Variants in PDZD8 observed in about 807,000 individuals in gnomAD.
The protein encoded by PDZD8 is PDZ domain-containing protein 8.
PDZD8 carries 14 observed loss-of-function variants against 85.8 expected under a neutral mutation model. The ratio of observed to expected loss-of-function variants is 0.16; its 90% confidence interval spans 0.11 to 0.26. The LOEUF (loss-of-function observed/expected upper bound fraction) is 0.26, where lower values mean the gene tolerates loss of function less well. Among genes scored for constraint, PDZD8 ranks in the 10% least tolerant of loss-of-function variants. The pLI, the probability that PDZD8 is intolerant of heterozygous loss-of-function variation, is 1.00. For synonymous variants in PDZD8, 592 were observed against 568.6 expected (o/e 1.04, Z -0.59); for missense variants, 1,197 against 1,424.3 (o/e 0.84, Z 2.57).
At chr10:117,348,991 G>A (rs1400397795) in intron 1 of PDZD8, among the ~76,000 whole-genome samples, 1 of 152,092 alleles carries the variant, frequency 6.6e-6, no homozygotes, top group Admixed American at 6.5e-5. Context: ...GGCAAGAATC[G>A]CAAATCATTT....
At chr10:117,320,399 T>C (rs535144164) in intron 2 of PDZD8, among the ~76,000 whole-genome samples, 32 of 152,164 alleles carry the variant, frequency 2.1e-4, no homozygotes, top group African/African-American at 7.5e-4. Context: ...TCAGAAATTC[T>C]CCCCTGTAAT....
At chr10:117,295,188 G>T (rs1843734089) in intron 3 of PDZD8, among the ~76,000 whole-genome samples, 1 of 151,910 alleles carries the variant, frequency 6.6e-6, no homozygotes, top group African/African-American at 2.4e-5. Context: ...ACCCAAAAAA[G>T]ACTGAAAATG....
At chr10:117,361,630 A>G (rs1033875268) in intron 1 of PDZD8, among the ~76,000 whole-genome samples, 1 of 152,166 alleles carries the variant, frequency 6.6e-6, no homozygotes. Context: ...GGTGTTATCA[A>G]ACAGACAAAA....
At chr10:117,364,343 A>C (rs1272255635) in intron 1 of PDZD8, among the ~76,000 whole-genome samples, 1 of 152,114 alleles carries the variant, frequency 6.6e-6, no homozygotes, top group Non-Finnish European at 1.5e-5. Flanking sequence ...AAAAATGTTA[A>C]AATATGTTCC....
In PDZD8 at chr10:117,318,968, G is replaced by A; in HGVS notation, c.1002C>T (p.Leu334=). The A allele has an allele frequency of 2.5e-6, 4 of 1,603,004 alleles. No individual in the cohort carries two copies. Among genetic ancestry groups the A allele is most frequent in the Admixed American group, 1.7e-5 (1 of 59,910 alleles). Residue 334 remains leucine, a synonymous_variant, in exon 3 of 5, where the codon CTC becomes CTT. Transcript: ENST00000334464. The part of the protein sequence containing the change: ...KVTLLECSRL[L]IFGSYDREAN... Reference sequence around the variant, plus strand: ...CCTCTCTGTCATAGGATCCAAAAATGAGTAACCTGCAGAATAAAACAAAAC... The same window carrying A: ...CCTCTCTGTCATAGGATCCAAAAATAAGTAACCTGCAGAATAAAACAAAAC...
At chr10:117,319,048 T>C (rs1480792070) in intron 2 of PDZD8, 74 bp from the exon 3 acceptor site, 1 of 1,031,860 alleles carries the variant, frequency 9.7e-7, no homozygotes, top group Non-Finnish European at 1.5e-6. Flanking sequence ...CTGATTATTA[T>C]AACAAGAAAC....
chr10:117,340,440 G>A (rs962244989), intron 2 of PDZD8, among the ~76,000 whole-genome samples: 18 of 152,198 alleles, frequency 1.2e-4, no homozygotes, highest in African/African-American at 3.1e-4. Flanking sequence ...CTGTTAGGTC[G>A]GTTTAGCCAA....
At chr10:117,334,881 C>A (rs1000177810) in intron 2 of PDZD8, among the ~76,000 whole-genome samples, 13 of 151,920 alleles carry the variant, frequency 8.6e-5, no homozygotes, top group Middle Eastern at 3.4e-3. Flanking sequence ...AGCAAACAAA[C>A]CAAACCTCAG....
At chr10:117,361,749 C>T (rs1479763939) in intron 1 of PDZD8, among the ~76,000 whole-genome samples, 2 of 152,088 alleles carry the variant, frequency 1.3e-5, no homozygotes, top group South Asian at 4.1e-4. Context: ...ATTCAACTAA[C>T]CCCAGATTTA....
At chr10:117,338,704 C>T (rs1354719757) in intron 2 of PDZD8, among the ~76,000 whole-genome samples, 2 of 152,196 alleles carry the variant, frequency 1.3e-5, no homozygotes, top group Admixed American at 1.3e-4. Context: ...GTTACAGGTA[C>T]TTCACACATT....
intron 3 of PDZD8, among the ~76,000 whole-genome samples, chr10:117,313,633 A>G (rs903114975): frequency 6.6e-6 from 1 of 152,202 alleles, no homozygotes; most frequent in African/African-American, 2.4e-5. Flanking sequence ...ATGGATCTTC[A>G]TCAAAAGCTT....
chr10:117,313,533 G>C (rs148324340), intron 3 of PDZD8, among the ~76,000 whole-genome samples: 104 of 152,172 alleles, frequency 6.8e-4, no homozygotes, highest in Non-Finnish European at 1.3e-3. Flanking sequence ...CACTATACCT[G>C]ATCATCCTTA....
rs1844599944 is a variant in PDZD8, at chr10:117,340,879, A to G, written c.995+101T>C. On this transcript the variant is annotated intron_variant, in intron 2 of 4. Transcript: ENST00000334464. Reference sequence around the variant, plus strand: ...TTACAATTAAAGAATTTACAGGTAAATAATATAATTTAAATGAACACACAA... The same window carrying G: ...TTACAATTAAAGAATTTACAGGTAAGTAATATAATTTAAATGAACACACAA... 4 of 1,299,998 alleles carry G rather than the reference A, an allele frequency of 3.1e-6. No individual in the cohort carries two copies. In the East Asian group the frequency reaches 1.0e-4, roughly 33 times the overall value. The allele number at this position is 1,299,998 out of a possible 1,614,324, so 80.5% of individuals were successfully genotyped here.
intron 1 of PDZD8, among the ~76,000 whole-genome samples, chr10:117,347,603 T>G (rs934730866): frequency 3.3e-5 from 5 of 152,030 alleles, no homozygotes; most frequent in African/African-American, 7.2e-5. Flanking sequence ...TCAGAATAAG[T>G]CTCTTCAAAT....
At chr10:117,310,564 A>G (rs1413955448) in intron 3 of PDZD8, among the ~76,000 whole-genome samples, 1 of 152,174 alleles carries the variant, frequency 6.6e-6, no homozygotes, top group Non-Finnish European at 1.5e-5. Context: ...CCTCATTTTT[A>G]ATCAAGATGA....
intron 3 of PDZD8, among the ~76,000 whole-genome samples, chr10:117,303,138 G>A (rs1408310197): frequency 6.6e-6 from 1 of 152,210 alleles, no homozygotes; most frequent in African/African-American, 2.4e-5. Flanking sequence ...GGAAAGTTTG[G>A]AACTTCCTAG....
chr10:117,333,672 A>C (rs1844469595), intron 2 of PDZD8, among the ~76,000 whole-genome samples: 1 of 152,226 alleles, frequency 6.6e-6, no homozygotes, highest in South Asian at 2.1e-4. Flanking sequence ...CTTGTAAATG[A>C]ATTTCAAAAT....
Position 117,283,882 on chromosome 10 carries a change from C to T in PDZD8, c.2851G>A (p.Val951Ile). ...TSSRLLNLRQ[V>I]SKTRLSEPGT... ...GGTTCAGAAAGGCGAGTTTTAGAGACTTGACGCAAATTTAATAAACGAGAA... is the reference window on the plus strand; with the variant it reads ...GGTTCAGAAAGGCGAGTTTTAGAGATTTGACGCAAATTTAATAAACGAGAA... The change falls in exon 5 of 5, where the codon GTC becomes ATC. Residue 951 changes from valine (V) to isoleucine (I), a missense_variant. Around this residue, in one of 4 missense-constraint regions of PDZD8, gnomAD observed 418 missense variants for 571.1 expected, o/e 0.73. Coordinates refer to ENST00000334464, the MANE Select transcript of PDZD8 (RefSeq NM_173791.5). 6.2e-7 allele frequency: 1 copy of T among 1,614,174 alleles called. No individual in the cohort carries two copies. Among genetic ancestry groups the T allele is most frequent in the Non-Finnish European group, 8.5e-7 (1 of 1,180,032 alleles).
chr10:117,292,771 C>CAAA lies in PDZD8; in HGVS notation c.1099-2426_1099-2424dup, dbSNP rs201930944. On this transcript the variant is annotated intron_variant, in intron 3 of 4. Transcript: ENST00000334464. ...ATACCTGAAGTAAACATTCCAGATG[C>CAAA]AAAAAAAAAAAAAGATAAGGTTTTC... 5.1e-3 allele frequency among the ~76,000 whole-genome samples: 650 copies of CAAA among 126,298 alleles called. 10 individuals carry two copies. Among genetic ancestry groups the CAAA allele is most frequent in the African/African-American group, 0.018 (624 of 34,534 alleles). 82.9% of individuals were successfully genotyped at this position (126,298 alleles called of 152,430 possible). A position where few individuals can be genotyped will look rare whatever the true frequency, so the allele number is the denominator to read the frequency against.
Sources: gnomAD v4.1 joint callset for allele counts (sites outside exome capture counted in the v4.1 genomes callset) on GRCh38, gnomAD v4.1.1 for gene constraint, gnomAD v4.1.1 regional missense constraint, MANE v1.5 for transcripts, NCBI Gene and HGNC (gene_info 2026-07-23, HGNC 2026-07-21) for gene names.